Variants in PCDH9 observed in about 807,000 individuals in gnomAD.
PCDH9 encodes the protein protocadherin-9.
Under a neutral mutation model 70.6 loss-of-function variants are expected in PCDH9, and 24 were observed. The ratio of observed to expected loss-of-function variants is 0.34; its 90% confidence interval spans 0.25 to 0.48. The LOEUF (loss-of-function observed/expected upper bound fraction) is 0.48. Ranked by LOEUF, PCDH9 falls within the 20% of genes least tolerant of loss-of-function variation. PCDH9 has a pLI of 0.99. For synonymous variants in PCDH9, 562 were observed against 558.5 expected (o/e 1.01, Z -0.09); for missense variants, 1,281 against 1,503.6 (o/e 0.85, Z 2.45).
intron 2 of PCDH9, among the ~76,000 whole-genome samples, chr13:67,000,978 G>A (rs1594374234): frequency 6.6e-6 from 1 of 152,132 alleles, no homozygotes; most frequent in South Asian, 2.1e-4. Flanking sequence ...GGGCCTGTCA[G>A]TTTTCTAAGT....
At chr13:66,459,641 G>A (rs932166913) in intron 4 of PCDH9, among the ~76,000 whole-genome samples, 2 of 151,938 alleles carry the variant, frequency 1.3e-5, no homozygotes, top group African/African-American at 2.4e-5. Context: ...AAGTCAGTTT[G>A]AAGATTGCCA....
At chr13:66,810,844 T>C (rs914539052) in intron 3 of PCDH9, among the ~76,000 whole-genome samples, 1 of 151,782 alleles carries the variant, frequency 6.6e-6, no homozygotes, top group African/African-American at 2.4e-5. Context: ...TGTACATATA[T>C]ATATAATATA....
At chr13:66,547,938 A>G (rs1005112760) in intron 4 of PCDH9, among the ~76,000 whole-genome samples, 14 of 147,742 alleles carry the variant, frequency 9.5e-5, no homozygotes, top group Non-Finnish European at 1.8e-4. Context: ...ATAATAATAT[A>G]TATATTTAAT....
In PCDH9 at chr13:67,192,407, G is replaced by A. The variant is rs191444572; in HGVS notation, c.3036+32998C>T. Among the ~76,000 whole-genome samples the A allele has an allele frequency of 5.9e-5, 9 of 152,180 alleles. No individual in the cohort carries two copies. In the East Asian group the frequency reaches 1.4e-3, roughly 23 times the overall value. ...TCTCTCTTCTAAAGGTTTCTCTGAC[G>A]ATCCCAGTCAGAAATAATAGCTTCC... On this transcript the variant is annotated intron_variant, in intron 2 of 4. Coordinates refer to ENST00000377865, the MANE Select transcript of PCDH9 (RefSeq NM_203487.3).
intron 4 of PCDH9, among the ~76,000 whole-genome samples, chr13:66,499,351 G>A (rs964674143): frequency 9.9e-5 from 15 of 151,550 alleles, no homozygotes; most frequent in Admixed American, 9.2e-4. Flanking sequence ...ATACATACTT[G>A]GACATTAATG....
chr13:67,012,117 A>G lies in PCDH9; in HGVS notation c.3037-108512T>C, dbSNP rs74715648. On this transcript the variant is annotated intron_variant, in intron 2 of 4. Transcript: ENST00000377865. The stretch of plus-strand genomic sequence containing the variant: ...CTTCCTTTTTCTTTCCTTCTTTGGC[A>G]AATCTGAAATCATTCTACGGTTTCT... Among the ~76,000 whole-genome samples, 1,198 of 151,782 alleles carry G rather than the reference A, an allele frequency of 7.9e-3. 21 individuals carry two copies. The highest frequency in any genetic ancestry group is 0.027 in the African/African-American group (1,122 of 41,500).
At chr13:66,672,900 A>C (rs896790187) in intron 3 of PCDH9, among the ~76,000 whole-genome samples, 1 of 152,168 alleles carries the variant, frequency 6.6e-6, no homozygotes, top group African/African-American at 2.4e-5. Flanking sequence ...TGTATCTAGG[A>C]AGTATTACTA....
At chr13:66,888,059 C>G (rs2082036841) in intron 3 of PCDH9, among the ~76,000 whole-genome samples, 1 of 152,174 alleles carries the variant, frequency 6.6e-6, no homozygotes, top group Non-Finnish European at 1.5e-5. Context: ...CTGAACTCAG[C>G]TTGCAAACAC....
chr13:66,499,937 C>G (rs1959167914), intron 4 of PCDH9, among the ~76,000 whole-genome samples: 1 of 152,196 alleles, frequency 6.6e-6, no homozygotes, highest in African/African-American at 2.4e-5. Context: ...CATCCTTTCC[C>G]TTCCAGCATG....
At chr13:66,553,304 T>C (rs538396131) in intron 4 of PCDH9, among the ~76,000 whole-genome samples, 1 of 152,280 alleles carries the variant, frequency 6.6e-6, no homozygotes, top group South Asian at 2.1e-4. Context: ...ATAGTTGAAA[T>C]TTACTAAGTA....
Position 66,881,184 on chromosome 13 carries a change from A to T in PCDH9, c.3138+22320T>A, listed in dbSNP as rs192051439. ...TGAAATATTATAACTTGCAGTTTTG[A>T]TTTATGAGTTAGGGAAGTGTTTTAT... is the stretch of plus-strand genomic sequence containing the variant. On this transcript the variant is annotated intron_variant, in intron 3 of 4. Coordinates refer to ENST00000377865, the MANE Select transcript of PCDH9 (RefSeq NM_203487.3). Among the ~76,000 whole-genome samples the T allele has an allele frequency of 8.0e-3, 1,219 of 152,298 alleles. 16 individuals are homozygous for T. Among genetic ancestry groups the T allele is most frequent in the African/African-American group, 0.027 (1,138 of 41,574 alleles).
At chr13:67,189,217 T>C (rs541236415) in intron 2 of PCDH9, among the ~76,000 whole-genome samples, 1 of 151,944 alleles carries the variant, frequency 6.6e-6, no homozygotes, top group South Asian at 2.1e-4. Flanking sequence ...CGTGTGTGTG[T>C]GTGTGTGTGT....
chr13:66,592,574 A>T (rs2077051847), intron 4 of PCDH9, among the ~76,000 whole-genome samples: 1 of 151,808 alleles, frequency 6.6e-6, no homozygotes, highest in Admixed American at 6.6e-5. Context: ...TCTTCTAAAA[A>T]TCAAGTGTAG....
chr13:66,764,193 A>T (rs902455374), intron 3 of PCDH9, among the ~76,000 whole-genome samples: 2 of 151,814 alleles, frequency 1.3e-5, no homozygotes, highest in Non-Finnish European at 2.9e-5. Flanking sequence ...AGATTTATAT[A>T]TTGATAAAAA....
chr13:66,414,880 G>T (rs1221259379), intron 4 of PCDH9, among the ~76,000 whole-genome samples: 1 of 152,144 alleles, frequency 6.6e-6, no homozygotes, highest in East Asian at 1.9e-4. Context: ...AAGCCAAATG[G>T]ATATCTGTTT....
At chr13:66,946,934 T>G (rs1383544805) in intron 2 of PCDH9, among the ~76,000 whole-genome samples, 3 of 152,174 alleles carry the variant, frequency 2.0e-5, no homozygotes, top group Non-Finnish European at 4.4e-5. Context: ...GAATCTTTCT[T>G]CCTTAACAAA....
intron 3 of PCDH9, among the ~76,000 whole-genome samples, chr13:66,818,994 T>A (rs1449557134): frequency 6.6e-6 from 1 of 151,758 alleles, no homozygotes; most frequent in Admixed American, 6.6e-5. Context: ...TTATTTCAAA[T>A]GAAAATCCAA....
At chr13:66,728,630 G>T (rs1488912187) in intron 3 of PCDH9, among the ~76,000 whole-genome samples, 1 of 151,980 alleles carries the variant, frequency 6.6e-6, no homozygotes, top group African/African-American at 2.4e-5. Flanking sequence ...TCTCAGTTCT[G>T]TTCCTCTCCT....
chr13:67,100,962 A>G (rs766883747), intron 2 of PCDH9, among the ~76,000 whole-genome samples: 6 of 152,220 alleles, frequency 3.9e-5, no homozygotes, highest in Admixed American at 3.3e-4. Context: ...GTGACTCACA[A>G]ATGGAATGCC....
Sources: allele counts gnomAD v4.1 joint callset (sites outside exome capture counted in the v4.1 genomes callset), GRCh38; gene constraint gnomAD v4.1.1; transcripts MANE v1.5; gene names NCBI Gene and HGNC (gene_info 2026-07-23, HGNC 2026-07-21).